The following RGS7 variants were observed in gnomAD, a reference collection of about 807,000 sequenced individuals.
RGS7 encodes the protein regulator of G protein signaling 7, also known as regulator of G-protein signaling 7.
Under a neutral mutation model 81.1 loss-of-function variants are expected in RGS7, and 27 were observed. The observed-to-expected ratio is 0.33, with a 90% CI of 0.25 to 0.46. The LOEUF (loss-of-function observed/expected upper bound fraction) is 0.46. RGS7 is among the 20% of genes least tolerant of loss of function. The pLI is 1.00. For synonymous variants in RGS7, 208 were observed against 207.7 expected (o/e 1.00, Z -0.01); for missense variants, 396 against 607.4 (o/e 0.65, Z 3.66).
intron 3 of RGS7, among the ~76,000 whole-genome samples, chr1:241,094,201 C>A (rs1029159698): frequency 2.6e-5 from 4 of 151,658 alleles, no homozygotes; most frequent in African/African-American, 9.7e-5. Flanking sequence ...CATTACCCAG[C>A]CCCTAGGTTA....
chr1:240,863,348 G>A (rs1482794041), intron 9 of RGS7, among the ~76,000 whole-genome samples: 22 of 152,170 alleles, frequency 1.4e-4, no homozygotes, highest in South Asian at 8.3e-4. Flanking sequence ...GGTGGCATGC[G>A]CCTGTAATTC....
chr1:240,954,330 A>G (rs1017655312), intron 4 of RGS7, among the ~76,000 whole-genome samples: 2 of 152,142 alleles, frequency 1.3e-5, no homozygotes, highest in Non-Finnish European at 2.9e-5. Flanking sequence ...TCTTATTGAC[A>G]TAGAAACAAA....
At chr1:241,071,350 T>C (rs561286584) in intron 3 of RGS7, among the ~76,000 whole-genome samples, 1 of 152,252 alleles carries the variant, frequency 6.6e-6, no homozygotes, top group African/African-American at 2.4e-5. Flanking sequence ...CTGACCCGAA[T>C]AGAAAGCTAG....
Position 240,936,630 on chromosome 1 carries a change from G to T in RGS7, c.303C>A (p.Leu101=). 1 of 1,613,966 alleles carries T rather than the reference G, an allele frequency of 6.2e-7. No individual in the cohort carries two copies. Among genetic ancestry groups the T allele is most frequent in the South Asian group, 1.1e-5 (1 of 91,078 alleles). ...ACCGGTAAAAGGTGCCATCATCCTT[G>T]AGTGTGAGGACATGATCTGAGATTG... ...FFPISDHVLT[L]KDDGTFYRFQ... is the part of the protein sequence containing the mutation. The change falls in exon 5 of 19, where the codon CTC becomes CTA. Residue 101 remains leucine (L), a synonymous_variant. Transcript: ENST00000440928.
intron 3 of RGS7, among the ~76,000 whole-genome samples, chr1:241,031,950 C>A (rs1275702463): frequency 6.6e-6 from 1 of 152,180 alleles, no homozygotes; most frequent in Non-Finnish European, 1.5e-5. Context: ...TTGATTATCT[C>A]TTTTTCTATG....
At chr1:241,008,893 C>A (rs868388747) in intron 3 of RGS7, among the ~76,000 whole-genome samples, 1 of 104,458 alleles carries the variant, frequency 9.6e-6, no homozygotes, top group Non-Finnish European at 1.7e-5. Flanking sequence ...GCCTGGGCAA[C>A]AGAGCAAGAC....
chr1:241,313,606 G>A lies in RGS7; in HGVS notation c.78+42093C>T, dbSNP rs372980365. Among the ~76,000 whole-genome samples, 17 of 152,294 alleles carry A rather than the reference G, an allele frequency of 1.1e-4. No homozygotes were observed. In the East Asian group the frequency reaches 2.1e-3, roughly 19 times the overall value. Reference sequence around the variant, plus strand: ...ACATCTATTCTGCAGCCCATGGATCGAGGAGTAGTTTCTACTTTAAGTCTT... The same window carrying A: ...ACATCTATTCTGCAGCCCATGGATCAAGGAGTAGTTTCTACTTTAAGTCTT... On this transcript the variant is annotated intron_variant, in intron 2 of 18. Transcript: ENST00000440928.
chr1:241,011,247 C>T (rs1166209287), intron 3 of RGS7, among the ~76,000 whole-genome samples: 2 of 152,128 alleles, frequency 1.3e-5, no homozygotes, highest in East Asian at 1.9e-4. Context: ...ATGGACAGTG[C>T]ATATTCTTCC....
At chr1:240,926,851 G>A (rs1424830425) in intron 6 of RGS7, among the ~76,000 whole-genome samples, 3 of 152,136 alleles carry the variant, frequency 2.0e-5, no homozygotes, top group Non-Finnish European at 4.4e-5. Flanking sequence ...TAAAGATATA[G>A]GCCTTTTAGT....
At chr1:241,116,558 A>G (rs6666211) in intron 2 of RGS7, among the ~76,000 whole-genome samples, 150,745 of 152,240 alleles carry the variant, frequency 0.99, 74,640 homozygotes, top group East Asian at 1. Flanking sequence ...TATTTCCTAT[A>G]AGACTCCAAA....
intron 3 of RGS7, among the ~76,000 whole-genome samples, chr1:241,008,266 T>A (rs2058777764): frequency 6.6e-6 from 1 of 152,190 alleles, no homozygotes; most frequent in African/African-American, 2.4e-5. Context: ...ATAGCAAAGA[T>A]TCAGCAACTG....
chr1:241,103,622 A>C, intron 2 of RGS7, among the ~76,000 whole-genome samples: 1 of 152,198 alleles, frequency 6.6e-6, no homozygotes, highest in African/African-American at 2.4e-5. Context: ...CAGTAATCTC[A>C]GCACTTTGGG....
At chr1:241,074,504 G>A (rs1374606930) in intron 3 of RGS7, among the ~76,000 whole-genome samples, 1 of 152,202 alleles carries the variant, frequency 6.6e-6, no homozygotes, top group African/African-American at 2.4e-5. Flanking sequence ...TACAGCTGGA[G>A]CCAGGTATTC....
chr1:240,943,015 A>G (rs2148402566), intron 4 of RGS7, among the ~76,000 whole-genome samples: 1 of 152,330 alleles, frequency 6.6e-6, no homozygotes, highest in Admixed American at 6.5e-5. Context: ...TAAAAAAAAC[A>G]TCATTTGCAT....
intron 2 of RGS7, among the ~76,000 whole-genome samples, chr1:241,212,366 C>T (rs2686227): frequency 0.28 from 42,978 of 152,006 alleles, 6,500 homozygotes; most frequent in African/African-American, 0.4. Context: ...TGAGAGGTGA[C>T]ACACGGTTCC....
intron 2 of RGS7, among the ~76,000 whole-genome samples, chr1:241,187,128 C>T (rs2072193078): frequency 1.3e-5 from 2 of 151,718 alleles, no homozygotes; most frequent in Admixed American, 6.6e-5. Flanking sequence ...CAGTATAAAC[C>T]TCTGTGATTT....
At chr1:240,824,765 G>T (rs910101187) in intron 10 of RGS7, among the ~76,000 whole-genome samples, 1 of 152,228 alleles carries the variant, frequency 6.6e-6, no homozygotes, top group Non-Finnish European at 1.5e-5. Context: ...GATCAGGCCT[G>T]TGAAGAGGAA....
At chr1:241,262,287 G>A (rs2077377013) in intron 2 of RGS7, among the ~76,000 whole-genome samples, 1 of 152,196 alleles carries the variant, frequency 6.6e-6, no homozygotes. Context: ...CTTAAAATAG[G>A]TAGGGTCCCA....
chr1:241,013,354 C>T (rs1275840517), intron 3 of RGS7, among the ~76,000 whole-genome samples: 1 of 152,154 alleles, frequency 6.6e-6, no homozygotes, highest in Non-Finnish European at 1.5e-5. Context: ...TGAGCCACCG[C>T]ACCTGGCCCT....
Sources: gnomAD v4.1 joint callset for allele counts (sites outside exome capture counted in the v4.1 genomes callset) on GRCh38, gnomAD v4.1.1 for gene constraint, MANE v1.5 for transcripts, NCBI Gene and HGNC (gene_info 2026-07-23, HGNC 2026-07-21) for gene names.